MMS22L: variants seen among roughly 807,000 people sequenced by gnomAD.
MMS22L encodes protein MMS22-like.
Under a neutral mutation model 159.1 loss-of-function variants are expected in MMS22L, and 74 were observed. The ratio of observed to expected loss-of-function variants is 0.47; its 90% CI spans 0.39 to 0.56. The LOEUF (loss-of-function observed/expected upper bound fraction) is 0.56. MMS22L is among the 20% of genes least tolerant of loss of function. The pLI is 0.00. For missense variants in MMS22L, 1,351 were observed against 1,422.1 expected (o/e 0.95, Z 0.80); for synonymous variants, 517 against 506.9 (o/e 1.02, Z -0.27).
At chr6:97,165,732 T>C (rs1802899742) in intron 20 of MMS22L, among the ~76,000 whole-genome samples, 1 of 152,128 alleles carries the variant, frequency 6.6e-6, no homozygotes. Context: ...GCAGATTCTT[T>C]TCCTGTAATC....
chr6:97,169,150 C>T (rs1803270120), intron 19 of MMS22L, among the ~76,000 whole-genome samples: 1 of 151,974 alleles, frequency 6.6e-6, no homozygotes, highest in Non-Finnish European at 1.5e-5. Flanking sequence ...TATAAACAAA[C>T]AAAATTTTAA....
Position 97,165,348 on chromosome 6 carries a change from T to C in MMS22L, c.3119A>G (p.Tyr1040Cys), listed in dbSNP as rs770043073. 4.3e-6 allele frequency: 7 copies of C among 1,613,398 alleles called. No homozygotes were observed. In the South Asian group the frequency reaches 7.7e-5, roughly 18 times the overall value. Residue 1040 changes from tyrosine to cysteine, a missense_variant, in exon 21 of 25, where the codon TAT (tyrosine) becomes TGT (cysteine). By Grantham distance (194) the Tyr-to-Cys change is radical (BLOSUM62 -2). Coordinates refer to ENST00000683635, the MANE Select transcript of MMS22L (RefSeq NM_001350599.2). Reference protein sequence around the residue: ...YIGRFLPASPYVSDLGQHPVL... With the variant: ...YIGRFLPASPCVSDLGQHPVL... ...AGGATGTTGTCCAAGATCTGAAACA[T>C]ATGGTGAAGCTGGAAGAAATCGCCC...
chr6:97,235,113 T>A (rs4626431), intron 11 of MMS22L, among the ~76,000 whole-genome samples: 99,292 of 151,958 alleles, frequency 0.65, 33,765 homozygotes, highest in Non-Finnish European at 0.76. Context: ...AATAGAGGGG[T>A]TAAGAAGAGA....
chr6:97,195,385 A>G (rs1806382286), intron 14 of MMS22L, among the ~76,000 whole-genome samples: 1 of 152,228 alleles, frequency 6.6e-6, no homozygotes, highest in African/African-American at 2.4e-5. Context: ...ATCCAAGTGG[A>G]TAACAAGCCA....
intron 14 of MMS22L, among the ~76,000 whole-genome samples, chr6:97,226,638 C>CTATACATTCTT (rs200849414): frequency 6.6e-6 from 1 of 151,476 alleles, no homozygotes; most frequent in Admixed American, 6.6e-5. Context: ...TGTGTATATC[C>CTATACATTCTT]TATACATTCT....
rs376294705 is a variant in MMS22L at position 97,249,435 on chromosome 6, G to A, written c.1120-2745C>T. 2.6e-5 allele frequency among the ~76,000 whole-genome samples: 4 copies of A among 152,146 alleles called. No homozygotes were observed. In the East Asian group the frequency reaches 5.8e-4, roughly 22 times the overall value. On this transcript the variant is annotated intron_variant, in intron 10 of 24. Coordinates refer to ENST00000683635, the MANE Select transcript of MMS22L (RefSeq NM_001350599.2). ...CCTAAGGTCGTTTTGGGAACCCTGAGCTTGCAACTGGTGTCAGAAGTAAAG... is the reference window on the plus strand; with the variant it reads ...CCTAAGGTCGTTTTGGGAACCCTGAACTTGCAACTGGTGTCAGAAGTAAAG...
rs1359722993 is a variant in MMS22L, at chr6:97,273,053, G to A, written c.350C>T (p.Ser117Leu). 4 of 1,605,590 alleles carry A rather than the reference G, an allele frequency of 2.5e-6. No homozygotes were observed. The highest frequency in any genetic ancestry group is 2.2e-5 in the East Asian group (1 of 44,818). ...LQSSCDFGKV[S>L]TLHCKADNIR... ...ATTGTCTGCTTTGCAGTGTAGAGTT[G>A]ATACCTTCCCTGAAACCAAAATAGA... Residue 117 changes from serine to leucine, a missense_variant, in exon 5 of 25, where the codon TCA becomes TTA. By Grantham distance (145) the Ser-to-Leu change is moderately radical (BLOSUM62 -2). Coordinates refer to ENST00000683635, the MANE Select transcript of MMS22L (RefSeq NM_001350599.2).
chr6:97,280,853 A>C (rs747320024), intron 3 of MMS22L, among the ~76,000 whole-genome samples: 12 of 152,196 alleles, frequency 7.9e-5, no homozygotes, highest in Non-Finnish European at 1.5e-4. Context: ...AAAAATTTTA[A>C]ATGTTGTCCA....
At chr6:97,244,182 G>A (rs960334215) in intron 11 of MMS22L, among the ~76,000 whole-genome samples, 10 of 152,300 alleles carry the variant, frequency 6.6e-5, no homozygotes, top group Admixed American at 1.3e-4. Context: ...GTAATGGCTT[G>A]AGTTGGTTGG....
chr6:97,173,311 C>A (rs1413547419), intron 18 of MMS22L, 89 bp from the exon 19 acceptor site: 1 of 1,134,724 alleles, frequency 8.8e-7, no homozygotes, highest in Admixed American at 2.3e-5. Context: ...TCTTTTTCTA[C>A]ATACGCACCC....
At chr6:97,280,116 G>C (rs1816626173) in intron 3 of MMS22L, among the ~76,000 whole-genome samples, 1 of 152,098 alleles carries the variant, frequency 6.6e-6, no homozygotes, top group East Asian at 1.9e-4. Flanking sequence ...CGTATGACAT[G>C]GCGTAGATAC....
At chr6:97,197,692 A>C (rs1055343637) in intron 14 of MMS22L, among the ~76,000 whole-genome samples, 1 of 152,232 alleles carries the variant, frequency 6.6e-6, no homozygotes, top group Non-Finnish European at 1.5e-5. Flanking sequence ...AGAAGAAAAA[A>C]GAATGAGCTC....
At chr6:97,235,582 G>A (rs1811309578) in intron 11 of MMS22L, among the ~76,000 whole-genome samples, 1 of 152,184 alleles carries the variant, frequency 6.6e-6, no homozygotes, top group African/African-American at 2.4e-5. Context: ...AACGACAATG[G>A]TGAACAGGAT....
At chr6:97,170,637 T>C (rs1420695459) in intron 19 of MMS22L, among the ~76,000 whole-genome samples, 1 of 152,200 alleles carries the variant, frequency 6.6e-6, no homozygotes, top group African/African-American at 2.4e-5. Flanking sequence ...GCCTACTTTC[T>C]ACCCTACGTA....
intron 14 of MMS22L, among the ~76,000 whole-genome samples, chr6:97,197,342 A>T (rs1451470857): frequency 6.6e-6 from 1 of 152,174 alleles, no homozygotes; most frequent in Non-Finnish European, 1.5e-5. Context: ...GTGTGTGGGT[A>T]CAACGTAATG....
chr6:97,142,918 G>A lies in MMS22L; in HGVS notation c.*3888C>T, dbSNP rs1800706770. 6.6e-6 allele frequency: 1 copy of A among 152,362 alleles called. No individual in the cohort carries two copies. The highest frequency in any genetic ancestry group is 1.5e-5 in the Non-Finnish European group (1 of 67,982). 9.4% of individuals were successfully genotyped at this position (152,362 alleles called of 1,614,324 possible). A position where few individuals can be genotyped will look rare whatever the true frequency, so the allele number is the denominator to read the frequency against. ...AATATTTTCTTATACAGATGCTGAG[G>A]TAGAAAAAGTCAAATATGCTTAAGA... On this transcript the variant is annotated 3_prime_UTR_variant, in exon 25 of 25. Transcript: ENST00000683635.
chr6:97,216,083 C>T (rs1808983211), intron 14 of MMS22L, among the ~76,000 whole-genome samples: 1 of 152,128 alleles, frequency 6.6e-6, no homozygotes, highest in Non-Finnish European at 1.5e-5. Context: ...TCACCTTTTT[C>T]CACAAGGCGG....
In MMS22L at chr6:97,179,543, G is replaced by C. The variant is rs776202505; in HGVS notation, c.2401C>G (p.Leu801Val). The change falls in exon 17 of 25, where the codon CTT becomes GTT. Residue 801 changes from leucine (L) to valine (V), a missense_variant. By Grantham distance (32) the Leu-to-Val change is conservative. Coordinates refer to ENST00000683635, the MANE Select transcript of MMS22L (RefSeq NM_001350599.2). ...VLQNSTLCEA[L>V]SHSGYVSFQA... ...AAAGATACATAGCCTGAATGAGAAA[G>C]TGCTTCACATAATGTGCTGTAGAAA... is the stretch of plus-strand genomic sequence containing the variant. The C allele has an allele frequency of 1.9e-6, 3 of 1,609,874 alleles. No individual in the cohort carries two copies.
At chr6:97,247,588 G>A (rs145037600) in intron 10 of MMS22L, among the ~76,000 whole-genome samples, 2,388 of 152,126 alleles carry the variant, frequency 0.016, 39 homozygotes, top group Middle Eastern at 0.031. Context: ...GCATGGTGGC[G>A]GGTGCCTGTA....
Sources: allele counts gnomAD v4.1 joint callset (sites outside exome capture counted in the v4.1 genomes callset), GRCh38; gene constraint gnomAD v4.1.1; transcripts MANE v1.5; gene names NCBI Gene and HGNC (gene_info 2026-07-23, HGNC 2026-07-21).